The following RHBDL2 variants were observed in gnomAD, a reference collection of about 807,000 sequenced individuals.
RHBDL2 encodes the protein rhomboid like 2.
In RHBDL2, 26 loss-of-function variants were observed where a neutral mutation model predicts 31.7. The observed-to-expected ratio is 0.82, with a 90% CI of 0.60 to 1.14. The LOEUF (loss-of-function observed/expected upper bound fraction) is 1.14. RHBDL2 is among the 50% of genes most tolerant of loss of function. The probability of loss-of-function intolerance (pLI) is 0.00; values close to 1 mark genes in which losing one functional copy is unlikely to be tolerated. For missense variants in RHBDL2, 336 were observed against 364.4 expected (o/e 0.92, Z 0.63); for synonymous variants, 123 against 127.2 (o/e 0.97, Z 0.22).
chr1:38,907,182 G>A (rs1201217033), intron 4 of RHBDL2, among the ~76,000 whole-genome samples: 1 of 152,184 alleles, frequency 6.6e-6, no homozygotes, highest in Non-Finnish European at 1.5e-5. Flanking sequence ...AATTATTCTA[G>A]CATAATTGGA....
chr1:38,928,922 TG>T (rs1643409800), intron 1 of RHBDL2, among the ~76,000 whole-genome samples: 1 of 151,820 alleles, frequency 6.6e-6, no homozygotes, highest in African/African-American at 2.4e-5. Flanking sequence ...AATTAAAGTT[TG>T]CCAGGTGCAG....
chr1:38,934,498 T>C (rs1643470693), intron 1 of RHBDL2, among the ~76,000 whole-genome samples: 1 of 148,402 alleles, frequency 6.7e-6, no homozygotes, highest in Admixed American at 6.8e-5. Context: ...CTACTAAAAA[T>C]ACAAAAAAAT....
At chr1:38,940,590 C>T (rs1643550219) in intron 1 of RHBDL2, among the ~76,000 whole-genome samples, 1 of 152,122 alleles carries the variant, frequency 6.6e-6, no homozygotes, top group Admixed American at 6.6e-5. Flanking sequence ...TCTAGCATAT[C>T]TTTACAAGCC....
chr1:38,936,327 G>T (rs370448072), intron 1 of RHBDL2, among the ~76,000 whole-genome samples: 1 of 151,556 alleles, frequency 6.6e-6, no homozygotes, highest in East Asian at 1.9e-4. Flanking sequence ...GGGTTTTTTT[G>T]AGATGGAGTC....
Position 38,918,959 on chromosome 1 carries a change from C to T in RHBDL2, c.246+8G>A, listed in dbSNP as rs1458586432. ...CTTACCCCGGTGCCCACCCCGCTCC[C>T]CATTCACCTCGGCCAGGCTGATGGA... On this transcript the variant is annotated splice_region_variant and intron_variant, in intron 2 of 7. Transcript: ENST00000372990. 1.2e-6 allele frequency: 2 copies of T among 1,609,622 alleles called. No homozygotes were observed. The highest frequency in any genetic ancestry group is 1.3e-5 in the African/African-American group (1 of 74,844).
chr1:38,928,869 T>C (rs980890689), intron 1 of RHBDL2, among the ~76,000 whole-genome samples: 4 of 152,106 alleles, frequency 2.6e-5, no homozygotes, highest in Non-Finnish European at 4.4e-5. Context: ...GAGACCAGCC[T>C]GGGCAACACA....
At chr1:38,937,942 T>C (rs888944614) in intron 1 of RHBDL2, among the ~76,000 whole-genome samples, 1 of 152,096 alleles carries the variant, frequency 6.6e-6, no homozygotes, top group African/African-American at 2.4e-5. Flanking sequence ...CCTGAAAACC[T>C]TGGCGTCTTC....
At chr1:38,939,965 C>T (rs1020570726) in intron 1 of RHBDL2, among the ~76,000 whole-genome samples, 1 of 151,934 alleles carries the variant, frequency 6.6e-6, no homozygotes, top group East Asian at 1.9e-4. Context: ...CATGAGTCAC[C>T]GCCCCCAGCC....
At chr1:38,917,232 TG>T (rs1643250764) in intron 2 of RHBDL2, among the ~76,000 whole-genome samples, 2 of 151,910 alleles carry the variant, frequency 1.3e-5, no homozygotes, top group South Asian at 4.1e-4. Context: ...TTAGCCAGGA[TG>T]GTCTCAATCT....
intron 4 of RHBDL2, among the ~76,000 whole-genome samples, chr1:38,897,234 G>A (rs1320766814): frequency 6.6e-6 from 1 of 151,976 alleles, no homozygotes; most frequent in African/African-American, 2.4e-5. Context: ...CCGAGCAGCT[G>A]GGACTACAGG....
intron 1 of RHBDL2, among the ~76,000 whole-genome samples, chr1:38,924,973 GT>G (rs1219383228): frequency 6.6e-6 from 1 of 151,406 alleles, no homozygotes; most frequent in African/African-American, 2.4e-5. Flanking sequence ...TAGAGACAGG[GT>G]TTCACCATGT....
chr1:38,915,135 C>G (rs1643214536), intron 3 of RHBDL2, among the ~76,000 whole-genome samples: 1 of 142,504 alleles, frequency 7.0e-6, no homozygotes, highest in South Asian at 2.2e-4. Flanking sequence ...GTGACTACAT[C>G]TTTTTTTTTT....
intron 1 of RHBDL2, among the ~76,000 whole-genome samples, chr1:38,920,382 A>G (rs1312561357): frequency 1.0e-4 from 15 of 150,384 alleles, no homozygotes; most frequent in East Asian, 9.9e-4. Flanking sequence ...TGGCCAGGCT[A>G]GTCTCGAACT....
intron 4 of RHBDL2, among the ~76,000 whole-genome samples, chr1:38,904,688 T>TA (rs1643038620): frequency 6.8e-6 from 1 of 147,528 alleles, no homozygotes; most frequent in Admixed American, 6.8e-5. Context: ...TACATATATA[T>TA]TTATATATAT....
At chr1:38,911,206 A>G (rs1406148788) in intron 4 of RHBDL2, 116 bp downstream of exon 4, 7 of 653,232 alleles carry the variant, frequency 1.1e-5, no homozygotes, top group African/African-American at 9.1e-5. Context: ...TCCCGAGCAC[A>G]TATTAGGAGT....
Position 38,935,036 on chromosome 1 carries a change from C to A in RHBDL2, c.-126+6646G>T, listed in dbSNP as rs1032604473. 2.0e-5 allele frequency among the ~76,000 whole-genome samples: 3 copies of A among 151,918 alleles called. No homozygotes were observed. The East Asian group carries it at 5.8e-4, about 29-fold the overall frequency. On this transcript the variant is annotated intron_variant, in intron 1 of 7. Coordinates refer to ENST00000372990, the MANE Select transcript of RHBDL2 (RefSeq NM_017821.5). The stretch of plus-strand genomic sequence containing the variant: ...AGTTAATAACTACAATTATTTTTTA[C>A]AAGTTAAAATCGGCTCCAAGATCAA...
chr1:38,911,629 T>TGC (rs1643145698), intron 3 of RHBDL2, among the ~76,000 whole-genome samples, 195 bp from the exon 4 acceptor site: 1 of 121,960 alleles, frequency 8.2e-6, no homozygotes, highest in African/African-American at 2.9e-5. Flanking sequence ...TGTGTGTGTG[T>TGC]GTGTGTGTGT....
At chr1:38,904,413 A>T (rs1643034320) in intron 4 of RHBDL2, among the ~76,000 whole-genome samples, 1 of 152,060 alleles carries the variant, frequency 6.6e-6, no homozygotes. Context: ...CGGAATTTGC[A>T]GTGAGCCGAG....
chr1:38,936,319 G>GT (rs1186691611), intron 1 of RHBDL2, among the ~76,000 whole-genome samples: 2 of 150,902 alleles, frequency 1.3e-5, no homozygotes, highest in Admixed American at 6.6e-5. Context: ...GTTTTTGGGG[G>GT]TTTTTTTGAG....
Sources: allele counts gnomAD v4.1 joint callset (sites outside exome capture counted in the v4.1 genomes callset), GRCh38; gene constraint gnomAD v4.1.1; transcripts MANE v1.5; gene names NCBI Gene and HGNC (gene_info 2026-07-23, HGNC 2026-07-21).